Variants in DLEU7 observed in about 807,000 individuals in gnomAD.
DLEU7 encodes the protein leukemia-associated protein 7.
Under a neutral mutation model 16.0 loss-of-function variants are expected in DLEU7, and 17 were observed. The ratio of observed to expected loss-of-function variants is 1.06; its 90% confidence interval spans 0.73 to 1.59. The LOEUF (loss-of-function observed/expected upper bound fraction) is 1.59, where lower values mean the gene tolerates loss of function less well. Ranked by LOEUF, DLEU7 falls within the 40% of genes most tolerant of loss-of-function variation. The probability of loss-of-function intolerance (pLI) is 0.00; values close to 1 mark genes in which losing one functional copy is unlikely to be tolerated. For synonymous variants in DLEU7, 113 were observed against 139.8 expected (o/e 0.81, Z 1.35); for missense variants, 308 against 314.9 (o/e 0.98, Z 0.17).
intron 1 of DLEU7, among the ~76,000 whole-genome samples, chr13:50,759,969 A>G (rs1025000165): frequency 2.6e-5 from 4 of 152,138 alleles, no homozygotes; most frequent in East Asian, 3.8e-4. Context: ...GTGACCCCCC[A>G]TGTAGCTCAT....
intron 1 of DLEU7, among the ~76,000 whole-genome samples, chr13:50,731,296 A>G (rs1873905534): frequency 6.6e-6 from 1 of 152,198 alleles, no homozygotes; most frequent in Non-Finnish European, 1.5e-5. Context: ...TTGCTTGTGC[A>G]TTTTGTCCAA....
chr13:50,763,542 G>C (rs1875004209), intron 1 of DLEU7, among the ~76,000 whole-genome samples: 1 of 152,216 alleles, frequency 6.6e-6, no homozygotes, highest in Non-Finnish European at 1.5e-5. Flanking sequence ...TCAGAGTCAG[G>C]AGTTAGGGAG....
intron 1 of DLEU7, among the ~76,000 whole-genome samples, chr13:50,730,192 G>T (rs542692132): frequency 2.6e-5 from 4 of 151,952 alleles, no homozygotes; most frequent in African/African-American, 7.3e-5. Flanking sequence ...CTGTCTCGGG[G>T]TGGCAGAGCT....
At chr13:50,771,872 T>C (rs1343159986) in intron 1 of DLEU7, among the ~76,000 whole-genome samples, 2 of 152,132 alleles carry the variant, frequency 1.3e-5, no homozygotes, top group Admixed American at 1.3e-4. Context: ...GGTATTAAAG[T>C]CTCTCATTAT....
intron 1 of DLEU7, among the ~76,000 whole-genome samples, chr13:50,720,416 T>C (rs994142537): frequency 1.3e-5 from 2 of 152,232 alleles, no homozygotes; most frequent in Non-Finnish European, 2.9e-5. Context: ...ATCCTTTAGG[T>C]GAGCCAGATC....
chr13:50,825,723 GA>G (rs1414913350), intron 1 of DLEU7, among the ~76,000 whole-genome samples: 1 of 152,162 alleles, frequency 6.6e-6, no homozygotes, highest in Non-Finnish European at 1.5e-5. Context: ...CCTATTATCT[GA>G]TGATGAGTGG....
chr13:50,720,858 A>G (rs193008780), intron 1 of DLEU7, among the ~76,000 whole-genome samples: 1 of 152,322 alleles, frequency 6.6e-6, no homozygotes, highest in African/African-American at 2.4e-5. Flanking sequence ...CAGGAGCCCT[A>G]AAGGAAAAAA....
exon 2 of DLEU7, chr13:50,712,761 C>T (rs912033680): frequency 6.2e-6 from 1 of 160,354 alleles, no homozygotes; most frequent in African/African-American, 2.4e-5. Flanking sequence ...AATTCAGAAC[C>T]TCTATCTCCT....
At chr13:50,809,918 G>A (rs376519644) in intron 1 of DLEU7, among the ~76,000 whole-genome samples, 166 of 152,108 alleles carry the variant, frequency 1.1e-3, no homozygotes, top group African/African-American at 3.7e-3. Context: ...AAGTAAACAC[G>A]TTAGGGACTC....
At position 50,823,078 on chromosome 13, in the gene DLEU7, A is replaced by G; in HGVS notation, c.*236T>C. ...AAAGTAGAATGTATTTCAATCAGAA[A>G]GTCAGCAAATAGGTCAATATACTTA... On this transcript the variant is annotated 3_prime_UTR_variant, in exon 2 of 2. Coordinates refer to ENST00000504404, the MANE Select transcript of DLEU7 (RefSeq NM_001306135.2). 7.8e-7 allele frequency: 1 copy of G among 1,275,230 alleles called. No individual in the cohort carries two copies. Among genetic ancestry groups the G allele is most frequent in the Non-Finnish European group, 9.9e-7 (1 of 1,006,076 alleles). 79.0% of individuals were successfully genotyped at this position (1,275,230 alleles called of 1,614,324 possible).
intron 1 of DLEU7, among the ~76,000 whole-genome samples, chr13:50,742,908 T>C (rs1214788067): frequency 1.3e-5 from 2 of 152,082 alleles, no homozygotes; most frequent in African/African-American, 4.8e-5. Flanking sequence ...AAAAACCCTC[T>C]TCGTGGGATG....
downstream of DLEU7, chr13:50,822,569 C>CT (rs1466741629): frequency 1.5e-5 from 14 of 955,938 alleles, no homozygotes; most frequent in Non-Finnish European, 2.5e-6. Context: ...CACTCCTTTC[C>CT]TTTTTTTAAA....
At chr13:50,803,692 TAAAG>T (rs933562232) in intron 1 of DLEU7, among the ~76,000 whole-genome samples, 10 of 152,114 alleles carry the variant, frequency 6.6e-5, no homozygotes, top group African/African-American at 2.2e-4. Flanking sequence ...TTTCTTTAAT[TAAAG>T]AAAAAAGGTG....
At chr13:50,742,238 AAAG>A (rs1874270357) in intron 1 of DLEU7, among the ~76,000 whole-genome samples, 1 of 152,200 alleles carries the variant, frequency 6.6e-6, no homozygotes, top group Non-Finnish European at 1.5e-5. Context: ...TTTCTGAAAA[AAAG>A]GAATGCAATC....
intron 1 of DLEU7, among the ~76,000 whole-genome samples, chr13:50,825,582 A>G (rs1238561035): frequency 6.6e-6 from 1 of 152,208 alleles, no homozygotes; most frequent in Non-Finnish European, 1.5e-5. Flanking sequence ...TAAAACCAAG[A>G]ATTAGAAGAA....
chr13:50,733,313 T>A (rs1873973015), intron 1 of DLEU7, among the ~76,000 whole-genome samples: 1 of 152,174 alleles, frequency 6.6e-6, no homozygotes. Flanking sequence ...TTTTAGATTA[T>A]TGCACACAAA....
intron 1 of DLEU7, among the ~76,000 whole-genome samples, chr13:50,776,898 T>A (rs1213649299): frequency 6.6e-6 from 1 of 152,204 alleles, no homozygotes; most frequent in Non-Finnish European, 1.5e-5. Context: ...TATTGGTGGC[T>A]TATAGGTTTT....
At chr13:50,719,746 T>C (rs561364879) in intron 1 of DLEU7, 1 of 152,364 alleles carries the variant, frequency 6.6e-6, no homozygotes, top group East Asian at 1.9e-4. Flanking sequence ...TCAGTAGGAA[T>C]TAATACGTGG....
downstream of DLEU7, among the ~76,000 whole-genome samples, chr13:50,821,222 A>G (rs992996502): frequency 3.3e-5 from 5 of 152,140 alleles, no homozygotes; most frequent in Admixed American, 3.3e-4. Flanking sequence ...TGAGTTTTGC[A>G]AGCAGCATTC....
Sources: allele counts gnomAD v4.1 joint callset (sites outside exome capture counted in the v4.1 genomes callset), GRCh38; gene constraint gnomAD v4.1.1; transcripts MANE v1.5; gene names NCBI Gene and HGNC (gene_info 2026-07-23, HGNC 2026-07-21).